The following PARP16 variants were observed in gnomAD, a reference collection of about 807,000 sequenced individuals.
PARP16 encodes poly(ADP-ribose) polymerase family member 16, also known as protein mono-ADP-ribosyltransferase PARP16.
Under a neutral mutation model 35.0 loss-of-function variants are expected in PARP16, and 31 were observed. The ratio of observed to expected loss-of-function variants is 0.88; its 90% CI spans 0.66 to 1.19. PARP16 has a LOEUF of 1.19. Among genes scored for constraint, PARP16 ranks in the 50% most tolerant of loss-of-function variants. The probability of loss-of-function intolerance (pLI) is 0.00; values close to 1 mark genes in which losing one functional copy is unlikely to be tolerated. For missense variants in PARP16, 424 were observed against 411.2 expected (o/e 1.03, Z -0.27); for synonymous variants, 162 against 169.5 (o/e 0.96, Z 0.34).
chr15:65,234,577 A>G (rs977820503), exon 4 of PARP16: 1 of 152,234 alleles, frequency 6.6e-6, no homozygotes, highest in African/African-American at 2.4e-5. Flanking sequence ...AGTAATAACA[A>G]TCAATTACAT....
Position 65,239,424 on chromosome 15 carries a change from T to TAAAAAAAAAAAAA in PARP16, c.*98-4614_*98-4602dup, listed in dbSNP as rs758350761. ...CCTGGCAACAGAGCAAGACTTTGCC[T>TAAAAAAAAAAAAA]AAAAAAAAAAAAAAAAAAAAAAAAA... is the stretch of plus-strand genomic sequence containing the variant. On this transcript the variant is annotated intron_variant and NMD_transcript_variant, in intron 3 of 3. Transcript: ENST00000559805. Among the ~76,000 whole-genome samples the TAAAAAAAAAAAAA allele has an allele frequency of 1.1e-3, 8 of 6,960 alleles. 1 individual carries two copies. Among genetic ancestry groups the TAAAAAAAAAAAAA allele is most frequent in the East Asian group, 0.053 (2 of 38 alleles). The allele number at this position is 6,960 out of a possible 152,430, so 4.6% of individuals were successfully genotyped here.
At chr15:65,255,700 G>A (rs146355384), downstream of PARP16, among the ~76,000 whole-genome samples, 1,281 of 149,530 alleles carry the variant, frequency 8.6e-3, 15 homozygotes, top group African/African-American at 0.028. Flanking sequence ...TTTGCAGGGA[G>A]GGGGGTTGGA....
chr15:65,241,471 G>A lies in PARP16; in HGVS notation c.*97+6646C>T, dbSNP rs542442828. Among the ~76,000 whole-genome samples, 25 of 152,196 alleles carry A rather than the reference G, an allele frequency of 1.6e-4. No homozygotes were observed. The East Asian group carries it at 3.9e-3, about 23-fold the overall frequency. ...TCTAAAGTGCTTATACATTCCTACC[G>A]CTAGTGTGGAACTGGTTATAGTTGT... On this transcript the variant is annotated intron_variant and NMD_transcript_variant, in intron 3 of 3. Coordinates refer to the PARP16 transcript ENST00000559805.
downstream of PARP16, among the ~76,000 whole-genome samples, chr15:65,253,203 A>C (rs1475805664): frequency 6.6e-6 from 1 of 151,930 alleles, no homozygotes; most frequent in East Asian, 1.9e-4. Flanking sequence ...CACTAACCTC[A>C]AAAGGTATTT....
intron 2 of PARP16, among the ~76,000 whole-genome samples, chr15:65,252,787 C>T (rs2089393735): frequency 6.6e-6 from 1 of 152,170 alleles, no homozygotes; most frequent in Non-Finnish European, 1.5e-5. Flanking sequence ...TATGAATAAG[C>T]TTCAAGTCAA....
At chr15:65,263,403 A>G (rs2089800300) in intron 3 of PARP16, 83 bp from the exon 4 acceptor site, 16 of 1,172,606 alleles carry the variant, frequency 1.4e-5, no homozygotes, top group Non-Finnish European at 1.9e-5. Flanking sequence ...GTCTCTCTTC[A>G]AGAGTTGTAA....
At chr15:65,244,664 C>T (rs1010143505) in intron 3 of PARP16, among the ~76,000 whole-genome samples, 1 of 152,210 alleles carries the variant, frequency 6.6e-6, no homozygotes, top group Non-Finnish European at 1.5e-5. Context: ...ACTTTCAGTG[C>T]CTTAAGAGCA....
intron 3 of PARP16, among the ~76,000 whole-genome samples, chr15:65,240,302 G>C (rs1177351883): frequency 2.5e-5 from 2 of 78,996 alleles, no homozygotes; most frequent in East Asian, 1.8e-3. Flanking sequence ...GCTAGTGTGT[G>C]TGTGTGTGGT....
chr15:65,250,716 G>T (rs1467611888), intron 2 of PARP16, among the ~76,000 whole-genome samples: 1 of 152,124 alleles, frequency 6.6e-6, no homozygotes, highest in African/African-American at 2.4e-5. Flanking sequence ...CACAGCCCTG[G>T]TCAGACCTAC....
chr15:65,239,856 C>T (rs541842063), intron 3 of PARP16, among the ~76,000 whole-genome samples: 1 of 150,374 alleles, frequency 6.7e-6, no homozygotes, highest in South Asian at 2.1e-4. Flanking sequence ...CAGGGTTTCA[C>T]TGCGTTAACT....
Position 65,286,481 on chromosome 15 carries a change from C to G in PARP16, c.-55G>C. ...CGCGCTGGTTAGGGGCAAGGGCGAG[C>G]GTGCGTTCAGCGCGGGGGCTGGGCC... On this transcript the variant is annotated 5_prime_UTR_variant, in exon 1 of 6. Transcript: ENST00000649807. 1.5e-6 allele frequency: 2 copies of G among 1,327,558 alleles called. No individual in the cohort carries two copies. The highest frequency in any genetic ancestry group is 2.0e-6 in the Non-Finnish European group (2 of 1,021,126). 82.2% of individuals were successfully genotyped at this position (1,327,558 alleles called of 1,614,324 possible). A position where few individuals can be genotyped will look rare whatever the true frequency, so the allele number is the denominator to read the frequency against.
downstream of PARP16, among the ~76,000 whole-genome samples, chr15:65,232,419 A>G (rs1160325663): frequency 6.6e-6 from 1 of 152,194 alleles, no homozygotes; most frequent in Non-Finnish European, 1.5e-5. Context: ...ACATTTACCT[A>G]ATGGAAATCA....
At chr15:65,234,076 G>C (rs573488762), downstream of PARP16, among the ~76,000 whole-genome samples, 2 of 152,286 alleles carry the variant, frequency 1.3e-5, no homozygotes, top group African/African-American at 4.8e-5. Flanking sequence ...TCGAGAATCT[G>C]ATAACAGAGC....
rs1335094934 is a variant in PARP16, at chr15:65,286,489, C to T, written c.-63G>A. On this transcript the variant is annotated 5_prime_UTR_variant, in exon 1 of 6. Coordinates refer to ENST00000649807, the MANE Select transcript of PARP16 (RefSeq NM_001316943.2). ...TTAGGGGCAAGGGCGAGCGTGCGTTCAGCGCGGGGGCTGGGCCCGCGGACA... is the reference window on the plus strand; with the variant it reads ...TTAGGGGCAAGGGCGAGCGTGCGTTTAGCGCGGGGGCTGGGCCCGCGGACA... The T allele has an allele frequency of 1.4e-5, 18 of 1,286,894 alleles. No individual in the cohort carries two copies. The highest frequency in any genetic ancestry group is 1.7e-5 in the Non-Finnish European group (17 of 986,372). The allele number at this position is 1,286,894 out of a possible 1,614,324, so 79.7% of individuals were successfully genotyped here. A position where few individuals can be genotyped will look rare whatever the true frequency, so the allele number is the denominator to read the frequency against.
intron 3 of PARP16, among the ~76,000 whole-genome samples, chr15:65,241,217 T>C (rs748176892): frequency 2.0e-5 from 3 of 151,726 alleles, no homozygotes; most frequent in African/African-American, 7.3e-5. Flanking sequence ...CTCAGCTCAC[T>C]GCAACCTCTG....
chr15:65,283,352 A>T (rs1369254463), intron 1 of PARP16, among the ~76,000 whole-genome samples: 1 of 151,506 alleles, frequency 6.6e-6, no homozygotes, highest in South Asian at 2.1e-4. Context: ...TCCCTCTCTC[A>T]CCCTGCCACC....
chr15:65,275,385 C>T (rs529071449), intron 1 of PARP16, among the ~76,000 whole-genome samples: 2 of 152,182 alleles, frequency 1.3e-5, no homozygotes, highest in South Asian at 2.1e-4. Context: ...AGCTGTGTGA[C>T]CTTTAGTGAG....
intron 2 of PARP16, among the ~76,000 whole-genome samples, chr15:65,250,024 C>T (rs561424212): frequency 3.3e-5 from 5 of 150,760 alleles, no homozygotes; most frequent in Non-Finnish European, 7.4e-5. Context: ...GGCCTGGTGT[C>T]GGCACTCTTG....
chr15:65,254,097 C>T (rs1024298765), downstream of PARP16, among the ~76,000 whole-genome samples: 1 of 151,846 alleles, frequency 6.6e-6, no homozygotes, highest in African/African-American at 2.4e-5. Flanking sequence ...GAGATTATAG[C>T]CGTGAACCAC....
Sources: allele counts gnomAD v4.1 joint callset (sites outside exome capture counted in the v4.1 genomes callset), GRCh38; gene constraint gnomAD v4.1.1; transcripts MANE v1.5; gene names NCBI Gene and HGNC (gene_info 2026-07-23, HGNC 2026-07-21).